The following PPP2R2A variants were observed in gnomAD, a reference collection of about 807,000 sequenced individuals.
The protein encoded by PPP2R2A is serine/threonine-protein phosphatase 2A 55 kDa regulatory subunit B alpha isoform.
A neutral mutation model predicts 53.2 loss-of-function variants in PPP2R2A; 9 were observed. The ratio of observed to expected loss-of-function variants is 0.17; its 90% CI spans 0.10 to 0.30. PPP2R2A has a LOEUF of 0.30. PPP2R2A is among the 10% of genes least tolerant of loss of function. The pLI, the probability that PPP2R2A is intolerant of heterozygous loss-of-function variation, is 1.00. For synonymous variants in PPP2R2A, 169 were observed against 174.2 expected (o/e 0.97, Z 0.23); for missense variants, 235 against 534.6 (o/e 0.44, Z 5.53).
intron 1 of PPP2R2A, 167 bp from the exon 2 acceptor site, chr8:26,293,499 C>G: frequency 1.4e-6 from 1 of 704,828 alleles, no homozygotes; most frequent in Non-Finnish European, 2.3e-6. Flanking sequence ...AATGCAGTAC[C>G]AAGTATTGGG....
At chr8:26,349,752 T>C (rs963387117) in intron 3 of PPP2R2A, among the ~76,000 whole-genome samples, 7 of 152,190 alleles carry the variant, frequency 4.6e-5, no homozygotes, top group Non-Finnish European at 7.3e-5. Flanking sequence ...GCCTGTCTTA[T>C]TAATGATTAT....
At chr8:26,350,667 A>T (rs1238489675) in intron 3 of PPP2R2A, 1 of 151,926 alleles carries the variant, frequency 6.6e-6, no homozygotes, top group Non-Finnish European at 1.5e-5. Flanking sequence ...GGCCTCCCAA[A>T]GTGTTGGATT....
intron 9 of PPP2R2A, among the ~76,000 whole-genome samples, chr8:26,368,987 A>G (rs973954616): frequency 9.9e-5 from 15 of 151,904 alleles, no homozygotes; most frequent in Non-Finnish European, 2.2e-4. Context: ...GGACGCCTGT[A>G]GTCCCAGCTA....
intron 8 of PPP2R2A, chr8:26,365,238 A>C (rs772458713): frequency 6.6e-6 from 1 of 152,174 alleles, no homozygotes; most frequent in Non-Finnish European, 1.5e-5. Flanking sequence ...AGATAAAACT[A>C]TTTTTATTGA....
intron 3 of PPP2R2A, chr8:26,340,117 G>A (rs959015329): frequency 2.0e-5 from 3 of 151,918 alleles, no homozygotes; most frequent in African/African-American, 2.4e-5. Context: ...GAATGGTCTC[G>A]TGGGAAGTGG....
rs1407553173 is a variant in PPP2R2A, at chr8:26,363,899, G to GT, written c.972+15dup. ...CTGTGGAAACATACCAGGTATTTGAGTTTTTTCTTTCAATGAGCATATACC... is the reference window on the plus strand; with the variant it reads ...CTGTGGAAACATACCAGGTATTTGAGTTTTTTTCTTTCAATGAGCATATACC... On this transcript the variant is annotated intron_variant, in intron 8 of 9. Coordinates refer to ENST00000380737, the MANE Select transcript of PPP2R2A (RefSeq NM_002717.4). The GT allele has an allele frequency of 2.5e-6, 4 of 1,572,840 alleles. No individual in the cohort carries two copies. The highest frequency in any genetic ancestry group is 1.4e-5 in the African/African-American group (1 of 73,504).
chr8:26,322,237 T>C (rs1487572600), intron 2 of PPP2R2A, among the ~76,000 whole-genome samples: 1 of 152,226 alleles, frequency 6.6e-6, no homozygotes, highest in Non-Finnish European at 1.5e-5. Flanking sequence ...AGCAGGGTTT[T>C]AGAAATATTC....
At chr8:26,363,414 G>A (rs1805217390) in intron 7 of PPP2R2A, 1 of 215,890 alleles carries the variant, frequency 4.6e-6, no homozygotes, top group African/African-American at 2.3e-5. Flanking sequence ...CAGTCAGTGA[G>A]GCATATTGCA....
intron 3 of PPP2R2A, among the ~76,000 whole-genome samples, chr8:26,353,350 A>T (rs1035115199): frequency 6.6e-6 from 1 of 152,220 alleles, no homozygotes; most frequent in Non-Finnish European, 1.5e-5. Flanking sequence ...ATGAATGAAC[A>T]ACCCAGATCA....
intron 1 of PPP2R2A, 127 bp from the exon 2 acceptor site, chr8:26,293,539 G>A: frequency 1.2e-6 from 1 of 864,460 alleles, no homozygotes; most frequent in Non-Finnish European, 1.8e-6. Flanking sequence ...TGGTGCTCTT[G>A]GTGGTAGTTG....
chr8:26,298,623 G>A (rs1801646344), intron 2 of PPP2R2A: 1 of 152,114 alleles, frequency 6.6e-6, no homozygotes, highest in African/African-American at 2.4e-5. Flanking sequence ...TACAGTAATT[G>A]CTTGTTTGTT....
Position 26,370,333 on chromosome 8 carries a change from A to G in PPP2R2A, c.1264A>G (p.Thr422Ala), listed in dbSNP as rs1199891332. 2 of 1,614,210 alleles carry G rather than the reference A, an allele frequency of 1.2e-6. No individual in the cohort carries two copies. Among genetic ancestry groups the G allele is most frequent in the East Asian group, 4.5e-5 (2 of 44,884 alleles). Residue 422 changes from threonine (T) to alanine (A), a missense_variant, in exon 10 of 10, where the codon ACA becomes GCA. By Grantham distance (58) the Thr-to-Ala change is moderately conservative. Around this residue, in one of 3 missense-constraint regions of PPP2R2A, gnomAD observed 181 missense variants for 409.9 expected, o/e 0.44. Coordinates refer to ENST00000380737, the MANE Select transcript of PPP2R2A (RefSeq NM_002717.4). The surrounding 1 kb of genome is among the most constrained non-coding windows in gnomAD (Gnocchi z 6.1). Reference sequence around the variant, plus strand: ...AGACTTCAATAAGAAAATCCTTCACACAGCCTGGCACCCCAAGGAAAATAT... The same window carrying G: ...AGACTTCAATAAGAAAATCCTTCACGCAGCCTGGCACCCCAAGGAAAATAT... ...SLDFNKKILHTAWHPKENIIA... is the reference protein window; with the variant it reads ...SLDFNKKILHAAWHPKENIIA...
At chr8:26,369,389 G>T (rs751221723) in intron 9 of PPP2R2A, among the ~76,000 whole-genome samples, 47 of 149,626 alleles carry the variant, frequency 3.1e-4, no homozygotes, top group Non-Finnish European at 5.0e-4. Flanking sequence ...ACTACACCCA[G>T]CTAATTTTTT....
intron 4 of PPP2R2A, among the ~76,000 whole-genome samples, chr8:26,355,069 T>C (rs1804702262): frequency 6.6e-6 from 1 of 152,238 alleles, no homozygotes; most frequent in South Asian, 2.1e-4. Flanking sequence ...AATTTATTCC[T>C]CCTTTTTAAG....
intron 2 of PPP2R2A, among the ~76,000 whole-genome samples, chr8:26,303,910 G>A (rs1366606958): frequency 6.6e-6 from 1 of 152,156 alleles, no homozygotes; most frequent in Non-Finnish European, 1.5e-5. Flanking sequence ...CGGGAGTTAC[G>A]CTCTTGTAGC....
At chr8:26,367,136 T>G (rs1374445566) in intron 9 of PPP2R2A, among the ~76,000 whole-genome samples, 11 of 152,186 alleles carry the variant, frequency 7.2e-5, no homozygotes, top group Non-Finnish European at 1.0e-4. Context: ...TTTCATGGTG[T>G]TGTGTGTTAC....
Position 26,362,034 on chromosome 8 carries a change from ATTAATC to A in PPP2R2A, c.638-645_638-640del, listed in dbSNP as rs1449640029. On this transcript the variant is annotated intron_variant, in intron 6 of 9. Transcript: ENST00000380737. The surrounding 1 kb of genome is among the most constrained non-coding windows in gnomAD (Gnocchi z 4.4). ...AAGATTAGATTAAGATTAGATTAAG[ATTAATC>A]TTAAGATTAGATTAAGATTAATTTT... Among the ~76,000 whole-genome samples, 4 of 139,978 alleles carry A rather than the reference ATTAATC, an allele frequency of 2.9e-5. No individual in the cohort carries two copies. The highest frequency in any genetic ancestry group is 1.1e-4 in the African/African-American group (4 of 36,688). 91.8% of individuals were successfully genotyped at this position (139,978 alleles called of 152,430 possible).
intron 2 of PPP2R2A, among the ~76,000 whole-genome samples, chr8:26,296,856 G>A (rs989433959): frequency 2.0e-5 from 3 of 152,146 alleles, no homozygotes; most frequent in South Asian, 2.1e-4. Context: ...AATTTAAAAC[G>A]CTTTCTGCAG....
intron 2 of PPP2R2A, among the ~76,000 whole-genome samples, chr8:26,320,685 G>A (rs1241180675): frequency 6.6e-6 from 1 of 152,172 alleles, no homozygotes; most frequent in Non-Finnish European, 1.5e-5. Context: ...TATTGTTAGT[G>A]TTGCTGTGCT....
Sources: gnomAD v4.1 joint callset for allele counts (sites outside exome capture counted in the v4.1 genomes callset) on GRCh38, gnomAD v4.1.1 for gene constraint, gnomAD v4.1.1 regional missense constraint, Gnocchi (gnomAD v3.1) non-coding constraint, MANE v1.5 for transcripts, NCBI Gene and HGNC (gene_info 2026-07-23, HGNC 2026-07-21) for gene names.